Variants in LHPP observed in about 807,000 individuals in gnomAD.
LHPP encodes the protein hLHPP.
Under a neutral mutation model 30.3 loss-of-function variants are expected in LHPP, and 24 were observed. The ratio of observed to expected loss-of-function variants is 0.79; its 90% CI spans 0.57 to 1.11. LHPP has a LOEUF of 1.11. LHPP is among the 50% of genes most tolerant of loss of function. LHPP has a pLI of 0.00. For synonymous variants in LHPP, 150 were observed against 157.1 expected (o/e 0.95, Z 0.34); for missense variants, 356 against 367.2 (o/e 0.97, Z 0.25).
intron 5 of LHPP, among the ~76,000 whole-genome samples, chr10:124,509,877 G>A (rs192660824): frequency 3.1e-4 from 47 of 152,196 alleles, no homozygotes; most frequent in Non-Finnish European, 4.6e-4. Flanking sequence ...TGTGAACCAC[G>A]GAAGCTCTTT....
At chr10:124,554,452 T>C (rs753723918) in intron 6 of LHPP, among the ~76,000 whole-genome samples, 1 of 152,252 alleles carries the variant, frequency 6.6e-6, no homozygotes, top group African/African-American at 2.4e-5. Flanking sequence ...TGCCTTGGCC[T>C]TCCAAAATAC....
intron 6 of LHPP, among the ~76,000 whole-genome samples, chr10:124,534,676 C>A (rs997082381): frequency 6.6e-6 from 1 of 152,218 alleles, no homozygotes; most frequent in East Asian, 1.9e-4. Flanking sequence ...CCGCTGTGAG[C>A]GCCCGTCCTT....
In LHPP at chr10:124,496,960, G is replaced by A; in HGVS notation, c.468-1G>A. On this transcript the variant is annotated splice_acceptor_variant, in intron 3 of 6. Transcript: ENST00000368842. LOFTEE classifies it high-confidence loss of function. This position sits in a 1 kb window ranked among gnomAD's most constrained non-coding sequence, Gnocchi z 4.3. ...CCGTGCTCCGTTCTGCTCTCTCCTA[G>A]GCGTTACTACAAGGAGACCTCTGGC... 6.2e-7 allele frequency: 1 copy of A among 1,613,902 alleles called. No homozygotes were observed. The highest frequency in any genetic ancestry group is 8.5e-7 in the Non-Finnish European group (1 of 1,179,858).
At chr10:124,537,898 C>T (rs1002884694) in intron 6 of LHPP, among the ~76,000 whole-genome samples, 1 of 152,224 alleles carries the variant, frequency 6.6e-6, no homozygotes, top group Non-Finnish European at 1.5e-5. Context: ...ACAGGGCCCA[C>T]GAGTGTGCTG....
rs538143804 is a variant in LHPP, at chr10:124,578,973, C to T, written c.717-34291C>T. On this transcript the variant is annotated intron_variant, in intron 6 of 6. Transcript: ENST00000368842. The stretch of plus-strand genomic sequence containing the variant: ...GCAGGATAGCACGGACGGGGGGGTC[C>T]GCTGTGTAAGCCTGGGAAATTCTGG... 4.8e-3 allele frequency among the ~76,000 whole-genome samples: 732 copies of T among 152,098 alleles called. 4 individuals are homozygous for T. Among genetic ancestry groups the T allele is most frequent in the Non-Finnish European group, 7.7e-3 (520 of 67,952 alleles).
intron 5 of LHPP, among the ~76,000 whole-genome samples, chr10:124,511,906 T>A (rs1015384243): frequency 3.9e-5 from 6 of 152,072 alleles, no homozygotes; most frequent in Non-Finnish European, 7.4e-5. Context: ...CTGCTGGGCG[T>A]GTCCCACCTG....
chr10:124,556,773 G>A (rs2133966208), intron 6 of LHPP, among the ~76,000 whole-genome samples: 1 of 152,192 alleles, frequency 6.6e-6, no homozygotes, highest in Non-Finnish European at 1.5e-5. Flanking sequence ...GAGACTAAAG[G>A]CTTTTTCTGT....
At chr10:124,588,942 G>C (rs1948842656) in intron 6 of LHPP, among the ~76,000 whole-genome samples, 1 of 152,208 alleles carries the variant, frequency 6.6e-6, no homozygotes, top group Non-Finnish European at 1.5e-5. Context: ...TCAGTTTCTT[G>C]ACCAGCCACA....
chr10:124,484,422 C>A, intron 2 of LHPP, 96 bp downstream of exon 2: 1 of 1,197,940 alleles, frequency 8.3e-7, no homozygotes, highest in Non-Finnish European at 1.2e-6. Context: ...GGCCAAACCA[C>A]TGACTGAGCT....
intron 1 of LHPP, among the ~76,000 whole-genome samples, chr10:124,482,195 T>C (rs528650640): frequency 1.3e-5 from 2 of 152,362 alleles, no homozygotes; most frequent in African/African-American, 2.4e-5. Flanking sequence ...AATCTGCGTG[T>C]ATTCATTTCA....
chr10:124,532,153 T>G (rs940165383), intron 6 of LHPP, among the ~76,000 whole-genome samples: 1 of 152,218 alleles, frequency 6.6e-6, no homozygotes, highest in African/African-American at 2.4e-5. Context: ...AGCCCTTCCT[T>G]GCATTTTGGC....
At chr10:124,571,940 A>C (rs1002220880) in intron 6 of LHPP, among the ~76,000 whole-genome samples, 1 of 152,156 alleles carries the variant, frequency 6.6e-6, no homozygotes, top group Non-Finnish European at 1.5e-5. Flanking sequence ...ACCAAGACCT[A>C]GGGGGGTGAG....
chr10:124,484,245 C>T lies in LHPP; in HGVS notation c.232C>T (p.Gln78Ter), dbSNP rs1173296779. The change falls in exon 2 of 7, where the codon CAG becomes TAG. Residue 78 changes from glutamine (Q) to a stop codon, truncating the protein, a stop_gained. Transcript: ENST00000368842. LOFTEE classifies it high-confidence loss of function. Reference protein sequence around the residue: ...LQRLGFDISEQEVTAPAPAAC... With the variant: ...LQRLGFDISE The stretch of plus-strand genomic sequence containing the variant: ...GAGGCTGGGATTTGACATCTCTGAG[C>T]AGGAGGTGACCGCCCCGGCACCAGC... 1 of 1,613,918 alleles carries T rather than the reference C, an allele frequency of 6.2e-7. No homozygotes were observed. Among genetic ancestry groups the T allele is most frequent in the African/African-American group, 1.3e-5 (1 of 74,930 alleles).
intron 6 of LHPP, among the ~76,000 whole-genome samples, chr10:124,609,153 T>TGGTC (rs1949133333): frequency 1.3e-5 from 2 of 152,314 alleles, no homozygotes; most frequent in African/African-American, 2.4e-5. Context: ...TGCATATTAC[T>TGGTC]CTCTTCTTTT....
chr10:124,588,428 C>A (rs1256535680), intron 6 of LHPP, among the ~76,000 whole-genome samples: 1 of 152,100 alleles, frequency 6.6e-6, no homozygotes, highest in African/African-American at 2.4e-5. Flanking sequence ...AGATTACAGG[C>A]ATCTGCCACC....
chr10:124,566,682 T>C (rs892602054), intron 6 of LHPP, among the ~76,000 whole-genome samples: 1 of 152,068 alleles, frequency 6.6e-6, no homozygotes, highest in African/African-American at 2.4e-5. Context: ...GCAGGACTGA[T>C]GGATGGAGTC....
At chr10:124,581,004 G>A (rs1030581918) in intron 6 of LHPP, among the ~76,000 whole-genome samples, 16 of 152,174 alleles carry the variant, frequency 1.1e-4, no homozygotes, top group South Asian at 6.2e-4. Context: ...GATTACAGAC[G>A]TAAGCCACCA....
At chr10:124,580,330 C>T (rs2133990649) in intron 6 of LHPP, among the ~76,000 whole-genome samples, 1 of 152,326 alleles carries the variant, frequency 6.6e-6, no homozygotes, top group Middle Eastern at 3.4e-3. Context: ...AGAAATTCAT[C>T]CCTCTCCTTG....
intron 6 of LHPP, among the ~76,000 whole-genome samples, chr10:124,561,424 C>T (rs1589866160): frequency 6.6e-6 from 1 of 152,046 alleles, no homozygotes; most frequent in Admixed American, 6.5e-5. Context: ...CTGTGCTTCC[C>T]CTAGTCAGTG....
Sources: gnomAD v4.1 joint callset for allele counts (sites outside exome capture counted in the v4.1 genomes callset) on GRCh38, gnomAD v4.1.1 for gene constraint, Gnocchi (gnomAD v3.1) non-coding constraint, MANE v1.5 for transcripts, NCBI Gene and HGNC (gene_info 2026-07-23, HGNC 2026-07-21) for gene names.